ST6GALNAC3: variants seen among roughly 807,000 people sequenced by gnomAD.
ST6GALNAC3 encodes the protein alpha-N-acetylgalactosaminide alpha-2,6-sialyltransferase 3.
ST6GALNAC3 carries 25 observed loss-of-function variants against 32.7 expected under a neutral mutation model. That is an observed-to-expected ratio of 0.76 (90% CI 0.56 to 1.07). The LOEUF (loss-of-function observed/expected upper bound fraction) is 1.07. ST6GALNAC3 is among the 50% of genes least tolerant of loss of function. The probability of loss-of-function intolerance (pLI) is 0.00; values close to 1 mark genes in which losing one functional copy is unlikely to be tolerated. For missense variants in ST6GALNAC3, 355 were observed against 382.4 expected (o/e 0.93, Z 0.60); for synonymous variants, 129 against 133.1 (o/e 0.97, Z 0.21).
chr1:76,627,882 T>G (rs1432107231), intron 4 of ST6GALNAC3, among the ~76,000 whole-genome samples: 1 of 151,986 alleles, frequency 6.6e-6, no homozygotes, highest in Non-Finnish European at 1.5e-5. Context: ...TTGTCATTTC[T>G]GCTGCTCTGA....
At chr1:76,611,546 C>A (rs540967930) in intron 3 of ST6GALNAC3, among the ~76,000 whole-genome samples, 1 of 152,142 alleles carries the variant, frequency 6.6e-6, no homozygotes, top group African/African-American at 2.4e-5. Flanking sequence ...CTCCATACCC[C>A]TCTCCTCCCT....
rs553931087 is a variant in ST6GALNAC3 at position 76,296,599 on chromosome 1, C to A, written c.19-17206C>A. Among the ~76,000 whole-genome samples, 3 of 152,018 alleles carry A rather than the reference C, an allele frequency of 2.0e-5. No individual in the cohort carries two copies. The South Asian group carries it at 6.2e-4, about 32-fold the overall frequency. On this transcript the variant is annotated intron_variant, in intron 1 of 4. Transcript: ENST00000328299. ...CCAGACCATGCTTTATCTTAGAAAC[C>A]CCAAATGTCCATAGCAGTGTTTTAC...
intron 3 of ST6GALNAC3, among the ~76,000 whole-genome samples, chr1:76,605,496 C>T (rs993686824): frequency 1.3e-5 from 2 of 151,738 alleles, no homozygotes; most frequent in African/African-American, 4.8e-5. Flanking sequence ...TTCTATCTGA[C>T]AAAGGTCTAA....
intron 2 of ST6GALNAC3, among the ~76,000 whole-genome samples, chr1:76,371,400 G>A (rs1650803385): frequency 6.6e-6 from 1 of 152,166 alleles, no homozygotes; most frequent in South Asian, 2.1e-4. Flanking sequence ...TTGAATAAGG[G>A]GAAGTATTTG....
intron 1 of ST6GALNAC3, among the ~76,000 whole-genome samples, chr1:76,213,221 C>T (rs1371571182): frequency 1.3e-5 from 2 of 152,062 alleles, no homozygotes; most frequent in East Asian, 3.9e-4. Context: ...ACATGTGGTA[C>T]TTCAAAACCT....
intron 3 of ST6GALNAC3, among the ~76,000 whole-genome samples, chr1:76,488,528 G>A (rs1225538834): frequency 2.0e-5 from 3 of 152,156 alleles, no homozygotes; most frequent in Non-Finnish European, 4.4e-5. Flanking sequence ...ATGAAAACCA[G>A]GGTAAGCTTA....
At position 76,441,960 on chromosome 1, in the gene ST6GALNAC3, C is replaced by T. The variant is rs553058904; in HGVS notation, c.623+29543C>T. 2.6e-5 allele frequency among the ~76,000 whole-genome samples: 4 copies of T among 152,278 alleles called. No individual in the cohort carries two copies. The South Asian group carries it at 8.3e-4, about 32-fold the overall frequency. The stretch of plus-strand genomic sequence containing the variant: ...TCTAAACAATGAGTAGAAGGTCTCT[C>T]ATGCAGGAATTTATCAGAGGCTTTG... On this transcript the variant is annotated intron_variant, in intron 3 of 4. Coordinates refer to ENST00000328299, the MANE Select transcript of ST6GALNAC3 (RefSeq NM_152996.4).
chr1:76,552,090 G>A (rs1319044177), intron 3 of ST6GALNAC3, among the ~76,000 whole-genome samples: 2 of 152,154 alleles, frequency 1.3e-5, no homozygotes, highest in Admixed American at 6.5e-5. Context: ...CGGAGGCTGG[G>A]CTCTAAAAAT....
chr1:76,351,827 A>G (rs1328078249), intron 2 of ST6GALNAC3, among the ~76,000 whole-genome samples: 1 of 152,188 alleles, frequency 6.6e-6, no homozygotes, highest in African/African-American at 2.4e-5. Flanking sequence ...TAAGTGAAAC[A>G]TACATTTTCC....
chr1:76,094,321 C>T (rs550177163), intron 1 of ST6GALNAC3, among the ~76,000 whole-genome samples: 1 of 152,274 alleles, frequency 6.6e-6, no homozygotes, highest in East Asian at 1.9e-4. Context: ...GGACCAAATG[C>T]TATTGTGCTA....
chr1:76,205,029 A>G lies in ST6GALNAC3; in HGVS notation c.19-108776A>G, dbSNP rs183722034. Among the ~76,000 whole-genome samples, 60 of 152,188 alleles carry G rather than the reference A, an allele frequency of 3.9e-4. 1 individual carries two copies. In the East Asian group the frequency reaches 8.7e-3, roughly 22 times the overall value. On this transcript the variant is annotated intron_variant, in intron 1 of 4. Coordinates refer to ENST00000328299, the MANE Select transcript of ST6GALNAC3 (RefSeq NM_152996.4). ...TTCCCTTCCACTGCTGTTATTCCCA[A>G]CGTCATTTGCTTCCTGAACTGTGGG...
At chr1:76,328,019 G>T (rs1479560518) in intron 2 of ST6GALNAC3, among the ~76,000 whole-genome samples, 3 of 152,186 alleles carry the variant, frequency 2.0e-5, no homozygotes, top group East Asian at 1.9e-4. Context: ...TATTCTTTGG[G>T]TTATACAAAA....
At chr1:76,522,075 A>T (rs1305845181) in intron 3 of ST6GALNAC3, among the ~76,000 whole-genome samples, 1 of 103,638 alleles carries the variant, frequency 9.6e-6, no homozygotes, top group Non-Finnish European at 2.0e-5. Context: ...ACAGAGTGAG[A>T]CTCCATTTCT....
chr1:76,461,806 A>G (rs1274006972), intron 3 of ST6GALNAC3, among the ~76,000 whole-genome samples: 3 of 152,158 alleles, frequency 2.0e-5, no homozygotes, highest in East Asian at 1.9e-4. Flanking sequence ...TTGAAACCCC[A>G]CAAGGTGATT....
intron 3 of ST6GALNAC3, among the ~76,000 whole-genome samples, chr1:76,466,616 C>T (rs1335387209): frequency 6.6e-6 from 1 of 152,076 alleles, no homozygotes; most frequent in East Asian, 1.9e-4. Flanking sequence ...TACAATTACA[C>T]TTCTGAGAAT....
chr1:76,587,832 T>A (rs1014844630), intron 3 of ST6GALNAC3, among the ~76,000 whole-genome samples: 1 of 151,996 alleles, frequency 6.6e-6, no homozygotes, highest in Non-Finnish European at 1.5e-5. Context: ...GATTGGTGAG[T>A]GGGACGCTCA....
chr1:76,450,932 T>A (rs898647453), intron 3 of ST6GALNAC3, among the ~76,000 whole-genome samples: 2 of 152,220 alleles, frequency 1.3e-5, no homozygotes, highest in Non-Finnish European at 2.9e-5. Context: ...ACCAGTAACA[T>A]GCTGTTTTGG....
At chr1:76,448,769 G>T (rs903475434) in intron 3 of ST6GALNAC3, among the ~76,000 whole-genome samples, 1 of 152,158 alleles carries the variant, frequency 6.6e-6, no homozygotes, top group East Asian at 1.9e-4. Context: ...CCATGGTTAT[G>T]AGGCCTCACC....
At chr1:76,147,987 A>G (rs1650796791) in intron 1 of ST6GALNAC3, among the ~76,000 whole-genome samples, 1 of 152,196 alleles carries the variant, frequency 6.6e-6, no homozygotes, top group African/African-American at 2.4e-5. Context: ...TTTACCAGTC[A>G]GTTACATTCT....
Sources: allele counts gnomAD v4.1 joint callset (sites outside exome capture counted in the v4.1 genomes callset), GRCh38; gene constraint gnomAD v4.1.1; transcripts MANE v1.5; gene names NCBI Gene and HGNC (gene_info 2026-07-23, HGNC 2026-07-21).